Variants in RAB1A observed in about 807,000 individuals in gnomAD.
The protein encoded by RAB1A is RAB1A, member RAS oncogene family.
RAB1A carries 2 observed loss-of-function variants against 26.0 expected under a neutral mutation model. The observed-to-expected ratio is 0.08, with a 90% CI of 0.03 to 0.24. The LOEUF is 0.24. RAB1A is among the 10% of genes least tolerant of loss of function. The probability of loss-of-function intolerance (pLI) is 1.00; values close to 1 mark genes in which losing one functional copy is unlikely to be tolerated. For synonymous variants in RAB1A, 84 were observed against 84.9 expected (o/e 0.99, Z 0.06); for missense variants, 100 against 247.0 (o/e 0.40, Z 3.99).
At chr2:65,113,961 G>A (rs777735248) in intron 1 of RAB1A, among the ~76,000 whole-genome samples, 5 of 152,162 alleles carry the variant, frequency 3.3e-5, no homozygotes, top group African/African-American at 4.8e-5. Flanking sequence ...TTATTTGAAA[G>A]GAGGAGAAAA....
intron 1 of RAB1A, among the ~76,000 whole-genome samples, chr2:65,110,853 T>C (rs148790618): frequency 3.9e-5 from 6 of 152,002 alleles, no homozygotes; most frequent in Non-Finnish European, 7.4e-5. Flanking sequence ...GAAGGATCAC[T>C]TGAGCCCAGG....
intron 1 of RAB1A, 107 bp downstream of exon 1, chr2:65,129,786 C>T (rs1203506976): frequency 6.6e-7 from 1 of 1,519,132 alleles, no homozygotes; most frequent in East Asian, 2.5e-5. Flanking sequence ...ATCACCCTCG[C>T]CTCACCCCAG....
chr2:65,093,680 T>C (rs1055091959), intron 3 of RAB1A, among the ~76,000 whole-genome samples: 23 of 149,986 alleles, frequency 1.5e-4, no homozygotes, highest in African/African-American at 5.6e-4. Context: ...TGGAGTGCAA[T>C]GGCGCAATCT....
chr2:65,113,282 AG>A (rs1399829697), intron 1 of RAB1A, among the ~76,000 whole-genome samples: 1 of 152,184 alleles, frequency 6.6e-6, no homozygotes, highest in Non-Finnish European at 1.5e-5. Context: ...ATCTGAACAT[AG>A]TCTTGATGTC....
At chr2:65,098,169 A>T in intron 2 of RAB1A, 103 bp from the exon 3 acceptor site, 3 of 638,572 alleles carry the variant, frequency 4.7e-6, no homozygotes, top group South Asian at 2.9e-5. Flanking sequence ...ATAAAAAAAA[A>T]GTTTACTTTT....
Position 65,089,670 on chromosome 2 carries a change from G to C in RAB1A, c.289-600C>G, listed in dbSNP as rs1313836151. On this transcript the variant is annotated intron_variant, in intron 4 of 5. Coordinates refer to ENST00000409784, the MANE Select transcript of RAB1A (RefSeq NM_004161.5). ...CTGCTTTGGAATATGCAATTTAAAT[G>C]TACTACAAAACCTGGTTTTGAAATT... Among the ~76,000 whole-genome samples, 5 of 150,228 alleles carry C rather than the reference G, an allele frequency of 3.3e-5. 1 individual carries two copies. The highest frequency in any genetic ancestry group is 7.4e-5 in the Non-Finnish European group (5 of 67,820).
intron 1 of RAB1A, among the ~76,000 whole-genome samples, chr2:65,107,186 C>G (rs986477376): frequency 1.3e-5 from 2 of 152,080 alleles, no homozygotes; most frequent in Non-Finnish European, 2.9e-5. Context: ...CTGCCTCAGC[C>G]TCTGAAGTAG....
At chr2:65,092,965 T>C (rs755173235) in intron 3 of RAB1A, among the ~76,000 whole-genome samples, 9 of 152,240 alleles carry the variant, frequency 5.9e-5, no homozygotes, top group Admixed American at 2.0e-4. Flanking sequence ...CCTCCTGCCA[T>C]GTAAGACGTG....
chr2:65,092,695 T>C (rs1242040875), intron 3 of RAB1A, among the ~76,000 whole-genome samples: 2 of 152,240 alleles, frequency 1.3e-5, no homozygotes, highest in Admixed American at 1.3e-4. Context: ...CCCAGGCAGA[T>C]CTTGAACTCC....
At chr2:65,107,001 C>A (rs1431318070) in intron 1 of RAB1A, among the ~76,000 whole-genome samples, 1 of 152,122 alleles carries the variant, frequency 6.6e-6, no homozygotes, top group Non-Finnish European at 1.5e-5. Context: ...GATCCACCCG[C>A]CTTGGCCTCC....
chr2:65,129,170 G>T (rs1429729099), intron 1 of RAB1A, among the ~76,000 whole-genome samples: 2 of 133,976 alleles, frequency 1.5e-5, no homozygotes, highest in Admixed American at 1.5e-4. Flanking sequence ...TTGACCCACA[G>T]AAGACAAAAT....
Position 65,089,085 on chromosome 2 carries a change from G to A in RAB1A, c.289-15C>T. 6.3e-7 allele frequency: 1 copy of A among 1,594,376 alleles called. No homozygotes were observed. Among genetic ancestry groups the A allele is most frequent in the Non-Finnish European group, 8.6e-7 (1 of 1,167,072 alleles). ...TTGAAGGACTCCTAAAAAGACATTTGAAAGACTGATAATATAGTTCGATAA... is the reference window on the plus strand; with the variant it reads ...TTGAAGGACTCCTAAAAAGACATTTAAAAGACTGATAATATAGTTCGATAA... On this transcript the variant is annotated splice_polypyrimidine_tract_variant and intron_variant, in intron 4 of 5. Coordinates refer to ENST00000409784, the MANE Select transcript of RAB1A (RefSeq NM_004161.5).
intron 1 of RAB1A, among the ~76,000 whole-genome samples, chr2:65,108,349 T>TC (rs1455507034): frequency 9.4e-6 from 1 of 106,282 alleles, no homozygotes; most frequent in Non-Finnish European, 1.9e-5. Context: ...AGAGCAAAAC[T>TC]CCATCTCAAA....
Position 65,104,822 on chromosome 2 carries a change from G to T in RAB1A, c.24-16C>A. The stretch of plus-strand genomic sequence containing the variant: ...TAAATAATCACTGCAAAAAGAAAAA[G>T]AAAATGATGTTAATAAAAAGCACAC... On this transcript the variant is annotated splice_polypyrimidine_tract_variant and intron_variant, in intron 1 of 5. Transcript: ENST00000409784. 1.3e-6 allele frequency: 2 copies of T among 1,591,482 alleles called. No individual in the cohort carries two copies. The highest frequency in any genetic ancestry group is 2.2e-5 in the South Asian group (2 of 90,528).
chr2:65,108,014 A>C lies in RAB1A; in HGVS notation c.24-3208T>G, dbSNP rs529838860. On this transcript the variant is annotated intron_variant, in intron 1 of 5. Transcript: ENST00000409784. ...AGGAGGTGGAGGTTGCAGTGAGCTC[A>C]GATCACACCACTGCACTCCAGCACG... Among the ~76,000 whole-genome samples, 3 of 151,084 alleles carry C rather than the reference A, an allele frequency of 2.0e-5. No homozygotes were observed. In the East Asian group the frequency reaches 5.9e-4, roughly 30 times the overall value.
Position 65,103,260 on chromosome 2 carries a change from A to C in RAB1A, c.96+1474T>G, listed in dbSNP as rs1363962947. ...AGCTTGAGCCTGGGAGCCAGACGCC[A>C]CTGCACTCTAGCCTTGGCAACACAG... On this transcript the variant is annotated intron_variant, in intron 2 of 5. Coordinates refer to ENST00000409784, the MANE Select transcript of RAB1A (RefSeq NM_004161.5). Among the ~76,000 whole-genome samples the C allele has an allele frequency of 9.6e-5, 13 of 135,234 alleles. No homozygotes were observed. The South Asian group carries it at 3.2e-3, about 33-fold the overall frequency. The allele number at this position is 135,234 out of a possible 152,430, so 88.7% of individuals were successfully genotyped here. A position where few individuals can be genotyped will look rare whatever the true frequency, so the allele number is the denominator to read the frequency against.
Position 65,087,469 on chromosome 2 carries a change from A to G in RAB1A, c.*1024T>C, listed in dbSNP as rs1470024021. 6.5e-5 allele frequency: 10 copies of G among 152,688 alleles called. No homozygotes were observed. Among genetic ancestry groups the G allele is most frequent in the Admixed American group, 6.5e-4 (10 of 15,290 alleles). 9.5% of individuals were successfully genotyped at this position (152,688 alleles called of 1,614,324 possible). A position where few individuals can be genotyped will look rare whatever the true frequency, so the allele number is the denominator to read the frequency against. On this transcript the variant is annotated 3_prime_UTR_variant, in exon 6 of 6. Transcript: ENST00000409784. ...CTGACTGAAAGCATGGAAGAAAAAC[A>G]TTAGCACACATTAGTCTGATCATTT...
At chr2:65,102,589 A>G (rs191116299) in intron 2 of RAB1A, among the ~76,000 whole-genome samples, 44 of 151,666 alleles carry the variant, frequency 2.9e-4, no homozygotes, top group African/African-American at 1.0e-3. Flanking sequence ...CAAATAGCCA[A>G]TTCTGTTCTA....
chr2:65,130,035 G>T lies in RAB1A; in HGVS notation c.-120C>A. The T allele has an allele frequency of 9.0e-7, 1 of 1,116,854 alleles. No individual in the cohort carries two copies. The highest frequency in any genetic ancestry group is 1.3e-6 in the Non-Finnish European group (1 of 757,110). The allele number at this position is 1,116,854 out of a possible 1,614,324, so 69.2% of individuals were successfully genotyped here. A position where few individuals can be genotyped will look rare whatever the true frequency, so the allele number is the denominator to read the frequency against. ...GATAGGCTGTTCCGGGAGAGCAAAC[G>T]TCTTCCCCTACTCCGTCCCCTAGAA... On this transcript the variant is annotated 5_prime_UTR_variant, in exon 1 of 6. Transcript: ENST00000409784.
Sources: gnomAD v4.1 joint callset for allele counts (sites outside exome capture counted in the v4.1 genomes callset) on GRCh38, gnomAD v4.1.1 for gene constraint, MANE v1.5 for transcripts, NCBI Gene and HGNC (gene_info 2026-07-23, HGNC 2026-07-21) for gene names.